HVCN1: variants seen among roughly 807,000 people sequenced by gnomAD.
The protein encoded by HVCN1 is hydrogen voltage gated channel 1, also known as voltage-gated hydrogen channel 1.
Under a neutral mutation model 29.2 loss-of-function variants are expected in HVCN1, and 14 were observed. The observed-to-expected ratio is 0.48, with a 90% CI of 0.32 to 0.75. The LOEUF (loss-of-function observed/expected upper bound fraction) is 0.75. HVCN1 is among the 30% of genes least tolerant of loss of function. The pLI is 0.04. For missense variants in HVCN1, 263 were observed against 341.8 expected, an observed-to-expected ratio of 0.77 and a Z score of 1.82; for synonymous variants, 131 against 133.2, an observed-to-expected ratio of 0.98 and a Z score of 0.11.
intron 2 of HVCN1, among the ~76,000 whole-genome samples, chr12:110,701,025 G>A (rs1398229447): frequency 1.3e-5 from 2 of 152,218 alleles, no homozygotes; most frequent in Admixed American, 6.5e-5. Flanking sequence ...CATGGGGAAG[G>A]CCCGCCTGGA....
intron 3 of HVCN1, among the ~76,000 whole-genome samples, chr12:110,663,664 TA>T (rs2068254535): frequency 7.2e-6 from 1 of 139,370 alleles, no homozygotes. Flanking sequence ...GAGGAATGAA[TA>T]TTCTCTGTTC....
intron 4 of HVCN1, among the ~76,000 whole-genome samples, chr12:110,659,529 C>T (rs1409624489): frequency 1.3e-5 from 2 of 152,332 alleles, no homozygotes; most frequent in East Asian, 3.9e-4. Context: ...AATGTGTTTC[C>T]AGGCACCCAG....
Position 110,661,084 on chromosome 12 carries a change from G to T in HVCN1, c.306+80C>A, listed in dbSNP as rs945960743. 7.9e-6 allele frequency: 11 copies of T among 1,390,456 alleles called. No individual in the cohort carries two copies. The highest frequency in any genetic ancestry group is 1.1e-5 in the Non-Finnish European group (11 of 1,010,382). 86.1% of individuals were successfully genotyped at this position (1,390,456 alleles called of 1,614,324 possible). On this transcript the variant is annotated intron_variant, in intron 4 of 7. Coordinates refer to ENST00000242607, the MANE Select transcript of HVCN1 (RefSeq NM_032369.4). The surrounding 1 kb of genome is among the most constrained non-coding windows in gnomAD (Gnocchi z 6.2). ...AATGAATGAGGCAGTGGCCAAATGGGCTCAGCCTGGCCGCCTGCCTCACAT... is the reference window on the plus strand; with the variant it reads ...AATGAATGAGGCAGTGGCCAAATGGTCTCAGCCTGGCCGCCTGCCTCACAT...
intron 1 of HVCN1, among the ~76,000 whole-genome samples, chr12:110,702,873 C>T (rs189820875): frequency 3.3e-5 from 5 of 152,044 alleles, no homozygotes; most frequent in Non-Finnish European, 7.4e-5. Flanking sequence ...AGCCTGGTCT[C>T]GAACTCCTGA....
chr12:110,666,844 C>G (rs1484980829), intron 3 of HVCN1, among the ~76,000 whole-genome samples: 1 of 152,234 alleles, frequency 6.6e-6, no homozygotes, highest in East Asian at 1.9e-4. Context: ...TCTCCTCCCA[C>G]TTTTCCTTCG....
At chr12:110,650,667 T>G (rs181576778) in intron 6 of HVCN1, among the ~76,000 whole-genome samples, 320 of 151,822 alleles carry the variant, frequency 2.1e-3, no homozygotes, top group African/African-American at 7.0e-3. Flanking sequence ...CTGAAAGGCT[T>G]TTTTTTCTTT....
intron 2 of HVCN1, among the ~76,000 whole-genome samples, chr12:110,687,676 C>G (rs1019813434): frequency 6.6e-6 from 1 of 151,958 alleles, no homozygotes; most frequent in African/African-American, 2.4e-5. Flanking sequence ...GAGGGGTGGC[C>G]GGATTCAGGA....
intron 3 of HVCN1, among the ~76,000 whole-genome samples, chr12:110,679,516 C>T (rs2068869254): frequency 6.6e-6 from 1 of 152,226 alleles, no homozygotes; most frequent in Non-Finnish European, 1.5e-5. Context: ...GTTTAACCCT[C>T]ACCTCAACTC....
chr12:110,652,080 T>C (rs376088494), intron 5 of HVCN1, among the ~76,000 whole-genome samples: 13 of 152,168 alleles, frequency 8.5e-5, no homozygotes, highest in African/African-American at 3.1e-4. Flanking sequence ...TGGTGTAAAG[T>C]GAAAAGGGTT....
rs1233251954 is a variant in HVCN1 at position 110,676,692 on chromosome 12, C to A, written c.21+6533G>T. Among the ~76,000 whole-genome samples the A allele has an allele frequency of 6.6e-6, 1 of 152,104 alleles. No homozygotes were observed. Among genetic ancestry groups the A allele is most frequent in the Non-Finnish European group, 1.5e-5 (1 of 68,020 alleles). On this transcript the variant is annotated intron_variant, in intron 3 of 7. Coordinates refer to ENST00000242607, the MANE Select transcript of HVCN1 (RefSeq NM_032369.4). The surrounding 1 kb of genome is among the most constrained non-coding windows in gnomAD (Gnocchi z 4.1). The stretch of plus-strand genomic sequence containing the variant: ...CCTGCTGGAGGAAATAAGTGTGACC[C>A]CAAGGACCTCTGCCCCCAACCCAGG...
upstream of HVCN1, among the ~76,000 whole-genome samples, chr12:110,694,064 G>A (rs1183162388): frequency 2.0e-5 from 3 of 152,098 alleles, no homozygotes; most frequent in East Asian, 1.9e-4. The surrounding 1 kb of genome is among the most constrained non-coding windows in gnomAD (Gnocchi z 4.6). Flanking sequence ...TTCATGGAGC[G>A]TGTACTTACT....
At chr12:110,692,490 C>T (rs916577971), upstream of HVCN1, among the ~76,000 whole-genome samples, 9 of 152,060 alleles carry the variant, frequency 5.9e-5, no homozygotes, top group Non-Finnish European at 1.0e-4. Flanking sequence ...GAGGCTGAGG[C>T]GGGAGGACTG....
intron 3 of HVCN1, among the ~76,000 whole-genome samples, chr12:110,667,673 C>T (rs1264155555): frequency 6.6e-6 from 1 of 152,150 alleles, no homozygotes; most frequent in Non-Finnish European, 1.5e-5. Context: ...CTCAAGTGAT[C>T]CACCCGCCTC....
upstream of HVCN1, among the ~76,000 whole-genome samples, chr12:110,692,372 A>G (rs887035179): frequency 6.6e-6 from 1 of 152,194 alleles, no homozygotes; most frequent in Non-Finnish European, 1.5e-5. Flanking sequence ...ATGAAGGAAC[A>G]GCCTTTGTTC....
intron 4 of HVCN1, among the ~76,000 whole-genome samples, chr12:110,655,924 C>T (rs1387201545): frequency 2.6e-5 from 4 of 152,120 alleles, no homozygotes; most frequent in East Asian, 1.9e-4. Flanking sequence ...AGGCTGGTCT[C>T]GAGCTCCTAA....
At chr12:110,683,909 T>TAAAAAAAAAAAAAAAAAGAAAAAAAAAA (rs766895530) in intron 2 of HVCN1, among the ~76,000 whole-genome samples, 1 of 67,884 alleles carries the variant, frequency 1.5e-5, no homozygotes, top group Non-Finnish European at 3.0e-5. Flanking sequence ...AGACTCTATC[T>TAAAAAAAAAAAAAAAAAGAAAAAAAAAA]AAAAAAAAAA....
chr12:110,691,349 C>T (rs2136497099), upstream of HVCN1, among the ~76,000 whole-genome samples: 1 of 152,346 alleles, frequency 6.6e-6, no homozygotes, highest in South Asian at 2.1e-4. Flanking sequence ...AGGCGTGAGC[C>T]ACCGCGTCTG....
chr12:110,657,764 C>A (rs1197129429), intron 4 of HVCN1, among the ~76,000 whole-genome samples: 1 of 152,192 alleles, frequency 6.6e-6, no homozygotes, highest in Non-Finnish European at 1.5e-5. Flanking sequence ...TGCCAGTTCA[C>A]AGGGAGTGTT....
Position 110,661,135 on chromosome 12 carries a change from TG to T in HVCN1, c.306+28del. ...TCCCCGATGGCTCTCCTGCCAGCTC[TG>T]GGTATCCCGGACTCCTGCCCCACCT... On this transcript the variant is annotated intron_variant, in intron 4 of 7. Transcript: ENST00000242607. The surrounding 1 kb of genome is among the most constrained non-coding windows in gnomAD (Gnocchi z 6.2). The T allele has an allele frequency of 3.8e-6, 6 of 1,562,806 alleles. No individual in the cohort carries two copies. Among genetic ancestry groups the T allele is most frequent in the Non-Finnish European group, 5.2e-6 (6 of 1,152,184 alleles).
Sources: allele counts gnomAD v4.1 joint callset (sites outside exome capture counted in the v4.1 genomes callset), GRCh38; gene constraint gnomAD v4.1.1; non-coding constraint Gnocchi (gnomAD v3.1); transcripts MANE v1.5; gene names NCBI Gene and HGNC (gene_info 2026-07-23, HGNC 2026-07-21).